MPZL1: variants seen among roughly 807,000 people sequenced by gnomAD.
MPZL1 encodes myelin protein zero-like protein 1.
MPZL1 carries 16 observed loss-of-function variants against 29.3 expected under a neutral mutation model. The ratio of observed to expected loss-of-function variants is 0.55; its 90% confidence interval spans 0.37 to 0.83. MPZL1 has a LOEUF of 0.83. Among genes scored for constraint, MPZL1 ranks in the 40% least tolerant of loss-of-function variants. The pLI is 0.00. For synonymous variants in MPZL1, 143 were observed against 132.0 expected (o/e 1.08, Z -0.57); for missense variants, 279 against 332.9 (o/e 0.84, Z 1.26).
intron 1 of MPZL1, among the ~76,000 whole-genome samples, chr1:167,745,202 T>G (rs1191762871): frequency 1.3e-5 from 2 of 152,150 alleles, no homozygotes; most frequent in Non-Finnish European, 2.9e-5. Flanking sequence ...GATGGCTCAC[T>G]TGGGCTTTCT....
chr1:167,779,037 A>G (rs1028669732), intron 5 of MPZL1, among the ~76,000 whole-genome samples: 2 of 151,808 alleles, frequency 1.3e-5, no homozygotes, highest in African/African-American at 4.8e-5. Context: ...CAAGAAAATC[A>G]CTTGAACCTG....
At chr1:167,726,464 C>G (rs1445035182) in intron 1 of MPZL1, among the ~76,000 whole-genome samples, 1 of 152,118 alleles carries the variant, frequency 6.6e-6, no homozygotes, top group Admixed American at 6.5e-5. Flanking sequence ...ATGGTAGATG[C>G]TAAAAATATT....
At chr1:167,769,271 A>G (rs531928474) in intron 2 of MPZL1, among the ~76,000 whole-genome samples, 1 of 152,212 alleles carries the variant, frequency 6.6e-6, no homozygotes, top group South Asian at 2.1e-4. Context: ...CTTTTTTTAT[A>G]CAGTAACTAG....
chr1:167,722,457 C>T (rs1252294191), intron 1 of MPZL1, among the ~76,000 whole-genome samples: 1 of 152,202 alleles, frequency 6.6e-6, no homozygotes, highest in Non-Finnish European at 1.5e-5. Flanking sequence ...TCTTCTCTTT[C>T]CTGGATCCTG....
chr1:167,740,446 A>G (rs899884749), intron 1 of MPZL1, among the ~76,000 whole-genome samples: 2 of 152,140 alleles, frequency 1.3e-5, no homozygotes, highest in Non-Finnish European at 2.9e-5. Flanking sequence ...GCCACCTTAT[A>G]TGACTTCTCA....
Position 167,753,748 on chromosome 1 carries a change from G to A in MPZL1, c.92-11835G>A, listed in dbSNP as rs142994302. ...AGGTTTAAGCGATTCTCCTACCTCA[G>A]TCTCCCAGGTAGCTGGGATTACAGG... On this transcript the variant is annotated intron_variant, in intron 1 of 5. Coordinates refer to ENST00000359523, the MANE Select transcript of MPZL1 (RefSeq NM_003953.6). 3.1e-4 allele frequency among the ~76,000 whole-genome samples: 47 copies of A among 151,970 alleles called. No homozygotes were observed. In the East Asian group the frequency reaches 9.1e-3, roughly 30 times the overall value.
intron 1 of MPZL1, among the ~76,000 whole-genome samples, chr1:167,723,426 G>T (rs1472165862): frequency 6.6e-6 from 1 of 152,220 alleles, no homozygotes; most frequent in Non-Finnish European, 1.5e-5. Context: ...CCCTCCAGGG[G>T]TTGACAGATG....
intron 2 of MPZL1, among the ~76,000 whole-genome samples, chr1:167,769,719 T>G (rs60208695): frequency 0.18 from 27,692 of 152,140 alleles, 3,010 homozygotes; most frequent in East Asian, 0.36. Context: ...GCAGGGTAAA[T>G]ATTTGATAAA....
intron 1 of MPZL1, among the ~76,000 whole-genome samples, chr1:167,739,009 C>T (rs1363604533): frequency 6.6e-6 from 1 of 151,868 alleles, no homozygotes; most frequent in Non-Finnish European, 1.5e-5. Context: ...GTGGCTCAAT[C>T]TTGGCTCACT....
Position 167,725,516 on chromosome 1 carries a change from C to T in MPZL1, c.91+3274C>T, listed in dbSNP as rs370647714. ...ATTTATTTTTTGGGGGATGGAGTCTCGCACTGTTGCCCAGGCTGGAGTGCA... is the reference window on the plus strand; with the variant it reads ...ATTTATTTTTTGGGGGATGGAGTCTTGCACTGTTGCCCAGGCTGGAGTGCA... On this transcript the variant is annotated intron_variant, in intron 1 of 5. Transcript: ENST00000359523. Among the ~76,000 whole-genome samples the T allele has an allele frequency of 3.2e-4, 48 of 152,214 alleles. No homozygotes were observed. The South Asian group carries it at 8.1e-3, about 26-fold the overall frequency.
intron 5 of MPZL1, among the ~76,000 whole-genome samples, chr1:167,777,265 G>A (rs938015415): frequency 1.3e-5 from 2 of 152,226 alleles, no homozygotes; most frequent in African/African-American, 2.4e-5. Flanking sequence ...TTTTTATTCC[G>A]CCCTTGAAGC....
chr1:167,765,257 G>A (rs1661088190), intron 1 of MPZL1: 2 of 157,558 alleles, frequency 1.3e-5, no homozygotes, highest in Non-Finnish European at 2.8e-5. Context: ...GGGAATATGA[G>A]AATTCTACCT....
chr1:167,766,730 T>A (rs897965832), intron 2 of MPZL1, among the ~76,000 whole-genome samples: 2 of 152,156 alleles, frequency 1.3e-5, no homozygotes, highest in African/African-American at 4.8e-5. Flanking sequence ...TTCACAGCTC[T>A]ATGAGGAAGA....
At chr1:167,741,070 G>A (rs1660511370) in intron 1 of MPZL1, among the ~76,000 whole-genome samples, 1 of 152,184 alleles carries the variant, frequency 6.6e-6, no homozygotes, top group African/African-American at 2.4e-5. Flanking sequence ...AGACTCAAGT[G>A]CAGTAGTGTA....
At chr1:167,765,275 A>C (rs989280221) in intron 1 of MPZL1, 2 of 162,366 alleles carry the variant, frequency 1.2e-5, no homozygotes, top group African/African-American at 4.8e-5. Context: ...CCTTCTATTC[A>C]ATGTTTCTGT....
At chr1:167,772,511 A>G (rs781266049) in intron 3 of MPZL1, 23 bp downstream of exon 3, 1 of 1,583,148 alleles carries the variant, frequency 6.3e-7, no homozygotes, top group Non-Finnish European at 8.7e-7. Context: ...GTATTTTGGC[A>G]GTAATAATGC....
At chr1:167,765,932 G>T in intron 2 of MPZL1, 183 bp downstream of exon 2, 1 of 439,170 alleles carries the variant, frequency 2.3e-6, no homozygotes. Flanking sequence ...AAATGCGTCT[G>T]GTTTCCTTGT....
chr1:167,777,637 C>T (rs922649111), intron 5 of MPZL1, among the ~76,000 whole-genome samples: 4 of 152,180 alleles, frequency 2.6e-5, no homozygotes, highest in Non-Finnish European at 4.4e-5. Flanking sequence ...CCCCTTGAGT[C>T]TTTGTCTGAT....
intron 1 of MPZL1, among the ~76,000 whole-genome samples, chr1:167,724,957 G>T (rs1307968317): frequency 6.6e-6 from 1 of 152,134 alleles, no homozygotes; most frequent in African/African-American, 2.4e-5. Flanking sequence ...AGGTGAGTTT[G>T]GTATTTCAGC....
Sources: allele counts gnomAD v4.1 joint callset (sites outside exome capture counted in the v4.1 genomes callset), GRCh38; gene constraint gnomAD v4.1.1; transcripts MANE v1.5; gene names NCBI Gene and HGNC (gene_info 2026-07-23, HGNC 2026-07-21).